C8orf34: variants seen among roughly 807,000 people sequenced by gnomAD.
The protein encoded by C8orf34 is chromosome 8 open reading frame 34.
In C8orf34, 65 loss-of-function variants were observed where a neutral mutation model predicts 68.3. The observed-to-expected ratio is 0.95, with a 90% CI of 0.78 to 1.17. C8orf34 has a LOEUF of 1.17. C8orf34 is among the 50% of genes most tolerant of loss of function. The probability of loss-of-function intolerance (pLI) is 0.00; values close to 1 mark genes in which losing one functional copy is unlikely to be tolerated. For missense variants in C8orf34, 664 were observed against 655.4 expected (o/e 1.01, Z -0.14); for synonymous variants, 244 against 241.2 (o/e 1.01, Z -0.11).
chr8:68,333,207 CT>C (rs1419910146), intron 1 of C8orf34, among the ~76,000 whole-genome samples: 5 of 152,138 alleles, frequency 3.3e-5, no homozygotes, highest in Non-Finnish European at 7.4e-5. Context: ...GAAGTGCCCC[CT>C]AACCCCCACC....
intron 10 of C8orf34, 145 bp from the exon 11 acceptor site, chr8:68,776,254 A>G: frequency 1.6e-6 from 1 of 642,744 alleles, no homozygotes; most frequent in South Asian, 2.0e-5. Context: ...AAGTTGGCAA[A>G]CTAACAATCC....
At chr8:68,356,097 CA>C (rs1380347567) in intron 1 of C8orf34, among the ~76,000 whole-genome samples, 7 of 152,100 alleles carry the variant, frequency 4.6e-5, no homozygotes, top group African/African-American at 1.7e-4. Flanking sequence ...ATGTCTGCTA[CA>C]CAGTAGATGT....
Position 68,385,292 on chromosome 8 carries a change from A to C in C8orf34, c.327+53953A>C, listed in dbSNP as rs116887365. Among the ~76,000 whole-genome samples the C allele has an allele frequency of 5.7e-3, 865 of 152,284 alleles. 6 individuals are homozygous for C. Among genetic ancestry groups the C allele is most frequent in the Middle Eastern group, 0.017 (5 of 294 alleles). On this transcript the variant is annotated intron_variant, in intron 1 of 13. Transcript: ENST00000518698. ...CCAAGGTCACACACCAAACAAATGGAGGAACAAAGTAGCAAACCCACATAC... is the reference window on the plus strand; with the variant it reads ...CCAAGGTCACACACCAAACAAATGGCGGAACAAAGTAGCAAACCCACATAC...
intron 4 of C8orf34, among the ~76,000 whole-genome samples, chr8:68,471,962 AC>A (rs1036230741): frequency 6.7e-6 from 1 of 148,570 alleles, no homozygotes; most frequent in African/African-American, 2.5e-5. Context: ...ACACACACAC[AC>A]AACTCAAATA....
At position 68,684,806 on chromosome 8, in the gene C8orf34, A is replaced by T. The variant is rs193253883; in HGVS notation, c.1242-24188A>T. On this transcript the variant is annotated intron_variant, in intron 8 of 13. Transcript: ENST00000518698. ...TTATTAAAAAAAAAATATTTTTTTT[A>T]AAATTTCCCTTTTTGGTTTTATTTG... Among the ~76,000 whole-genome samples, 1,066 of 152,094 alleles carry T rather than the reference A, an allele frequency of 7.0e-3. 13 individuals carry two copies. The highest frequency in any genetic ancestry group is 0.024 in the African/African-American group (1,016 of 41,538).
intron 8 of C8orf34, among the ~76,000 whole-genome samples, chr8:68,654,164 A>G (rs1819445019): frequency 6.6e-6 from 1 of 152,110 alleles, no homozygotes; most frequent in African/African-American, 2.4e-5. Flanking sequence ...ATGCTTGCCC[A>G]CCCTTCCATG....
chr8:68,361,710 C>A (rs1204042292), intron 1 of C8orf34, among the ~76,000 whole-genome samples: 2 of 152,116 alleles, frequency 1.3e-5, no homozygotes, highest in Non-Finnish European at 2.9e-5. Context: ...ATATTGTTGG[C>A]TTTTTTCTAC....
At chr8:68,367,912 G>GAAAAAAAAAAAAAAAAAAAAAAA (rs61562318) in intron 1 of C8orf34, among the ~76,000 whole-genome samples, 13 of 79,118 alleles carry the variant, frequency 1.6e-4, no homozygotes, top group East Asian at 5.0e-4. Context: ...AAAAAGAAAA[G>GAAAAAAAAAAAAAAAAAAAAAAA]AAAAAAAAAA....
chr8:68,648,977 A>G (rs1185451496), intron 8 of C8orf34, among the ~76,000 whole-genome samples: 12 of 152,180 alleles, frequency 7.9e-5, no homozygotes, highest in African/African-American at 2.2e-4. Context: ...GAGAAAACCT[A>G]TGTAAATAAC....
At chr8:68,389,703 C>T (rs7843010) in intron 1 of C8orf34, among the ~76,000 whole-genome samples, 10,347 of 152,064 alleles carry the variant, frequency 0.068, 422 homozygotes, top group African/African-American at 0.11. Flanking sequence ...CAAGAGGTTA[C>T]AAATTAAAAA....
At chr8:68,813,349 A>C (rs73285457) in intron 12 of C8orf34, among the ~76,000 whole-genome samples, 4,999 of 152,088 alleles carry the variant, frequency 0.033, 236 homozygotes, top group African/African-American at 0.11. Flanking sequence ...TATTTCAGAA[A>C]CTTGAAATCA....
At chr8:68,434,879 T>C (rs566386605) in intron 1 of C8orf34, among the ~76,000 whole-genome samples, 7 of 152,084 alleles carry the variant, frequency 4.6e-5, no homozygotes, top group African/African-American at 1.7e-4. Flanking sequence ...ACCCCATCTC[T>C]ACTAAAAATA....
At chr8:68,447,509 A>T (rs1267396065) in intron 3 of C8orf34, 1 of 152,244 alleles carries the variant, frequency 6.6e-6, no homozygotes, top group Non-Finnish European at 1.5e-5. Context: ...TTCTTGGAAG[A>T]AAAGAGAACT....
intron 10 of C8orf34, among the ~76,000 whole-genome samples, chr8:68,741,573 A>G (rs1181241459): frequency 6.6e-6 from 1 of 152,136 alleles, no homozygotes; most frequent in African/African-American, 2.4e-5. Flanking sequence ...TTTGAACTAT[A>G]TTTTTGAACC....
intron 1 of C8orf34, among the ~76,000 whole-genome samples, chr8:68,424,388 CAT>C (rs1355937580): frequency 6.6e-6 from 1 of 152,068 alleles, no homozygotes; most frequent in East Asian, 1.9e-4. Flanking sequence ...AGTCTACTAA[CAT>C]ATTAACCAGA....
chr8:68,376,230 T>C (rs1807793119), intron 1 of C8orf34, among the ~76,000 whole-genome samples: 1 of 90,696 alleles, frequency 1.1e-5, no homozygotes, highest in African/African-American at 5.7e-5. Flanking sequence ...ATAAATAATG[T>C]TGATTGTATT....
intron 8 of C8orf34, among the ~76,000 whole-genome samples, chr8:68,687,382 C>T (rs190181522): frequency 9.9e-5 from 15 of 152,064 alleles, no homozygotes; most frequent in African/African-American, 3.6e-4. Flanking sequence ...GCTATAGCTC[C>T]CAAAATAGCA....
At chr8:68,575,956 G>GTTTTTTTT (rs59081528) in intron 7 of C8orf34, among the ~76,000 whole-genome samples, 4 of 96,342 alleles carry the variant, frequency 4.2e-5, no homozygotes, top group Non-Finnish European at 8.5e-5. Context: ...GTAGATGGTT[G>GTTTTTTTT]TTTTTTTTTT....
rs149278925 is a variant in C8orf34 at position 68,336,370 on chromosome 8, G to A, written c.327+5031G>A. Among the ~76,000 whole-genome samples, 92 of 152,186 alleles carry A rather than the reference G, an allele frequency of 6.0e-4. 1 individual carries two copies. The highest frequency in any genetic ancestry group is 2.3e-3 in the South Asian group (11 of 4,818). ...CTGGCAGGGTCAGAAGATTTGTTAC[G>A]TACAAGGTGGGGGCAGGGTATTCAG... On this transcript the variant is annotated intron_variant, in intron 1 of 13. Transcript: ENST00000518698.
Sources: gnomAD v4.1 joint callset for allele counts (sites outside exome capture counted in the v4.1 genomes callset) on GRCh38, gnomAD v4.1.1 for gene constraint, MANE v1.5 for transcripts, NCBI Gene and HGNC (gene_info 2026-07-23, HGNC 2026-07-21) for gene names.